Variants in OPCML observed in about 807,000 individuals in gnomAD.
The protein encoded by OPCML is opioid-binding protein/cell adhesion molecule.
OPCML carries 13 observed loss-of-function variants against 37.8 expected under a neutral mutation model. The observed-to-expected ratio is 0.34, with a 90% confidence interval of 0.22 to 0.55. The LOEUF (loss-of-function observed/expected upper bound fraction) is 0.55, where lower values mean the gene tolerates loss of function less well. Ranked by LOEUF, OPCML falls within the 20% of genes least tolerant of loss-of-function variation. The probability of loss-of-function intolerance (pLI) is 0.91; values close to 1 mark genes in which losing one functional copy is unlikely to be tolerated. For missense variants in OPCML, 341 were observed against 435.6 expected (o/e 0.78, Z 1.93); for synonymous variants, 176 against 168.8 (o/e 1.04, Z -0.33).
intron 4 of OPCML, among the ~76,000 whole-genome samples, chr11:132,447,022 G>A (rs552564715): frequency 2.0e-5 from 3 of 152,302 alleles, no homozygotes; most frequent in Non-Finnish European, 2.9e-5. Context: ...GGCTTCTTGA[G>A]CCCAAAGCAG....
chr11:133,376,820 C>T (rs1201076327), intron 1 of OPCML, among the ~76,000 whole-genome samples: 2 of 152,118 alleles, frequency 1.3e-5, no homozygotes, highest in Admixed American at 6.5e-5. Context: ...ATAATAATAA[C>T]AATCTGTTCA....
At chr11:132,716,876 GT>G (rs1449824575) in intron 2 of OPCML, among the ~76,000 whole-genome samples, 2 of 152,056 alleles carry the variant, frequency 1.3e-5, no homozygotes, top group East Asian at 3.9e-4. Context: ...GAGAAGAAGA[GT>G]TCTTTCTTAT....
intron 3 of OPCML, among the ~76,000 whole-genome samples, chr11:132,536,529 G>A (rs1457699436): frequency 6.6e-6 from 1 of 152,022 alleles, no homozygotes; most frequent in East Asian, 1.9e-4. Context: ...TTACTTTATT[G>A]TTGTTATTAT....
chr11:133,303,969 TA>T (rs1400011345), intron 1 of OPCML, among the ~76,000 whole-genome samples: 1 of 152,228 alleles, frequency 6.6e-6, no homozygotes, highest in African/African-American at 2.4e-5. Flanking sequence ...ATTTAAACTT[TA>T]ATAACTACTG....
At chr11:132,948,134 G>T (rs559610458) in intron 1 of OPCML, among the ~76,000 whole-genome samples, 1 of 152,154 alleles carries the variant, frequency 6.6e-6, no homozygotes, top group African/African-American at 2.4e-5. Context: ...GAAATGTACC[G>T]GGCATGTTTT....
chr11:132,758,375 A>G (rs2136089277), intron 2 of OPCML, among the ~76,000 whole-genome samples: 1 of 152,284 alleles, frequency 6.6e-6, no homozygotes, highest in Middle Eastern at 3.4e-3. Flanking sequence ...ATAGTATTGA[A>G]TCTATAAATT....
At chr11:132,886,909 A>G (rs1943444981) in intron 2 of OPCML, among the ~76,000 whole-genome samples, 1 of 152,192 alleles carries the variant, frequency 6.6e-6, no homozygotes, top group Non-Finnish European at 1.5e-5. Context: ...GCAGAATGCC[A>G]GTGGCTCACT....
At chr11:132,653,096 C>G (rs1941513607) in intron 3 of OPCML, among the ~76,000 whole-genome samples, 2 of 152,184 alleles carry the variant, frequency 1.3e-5, no homozygotes, top group South Asian at 4.1e-4. Flanking sequence ...TTCCCTAGTT[C>G]TGCAACATCT....
intron 1 of OPCML, among the ~76,000 whole-genome samples, chr11:133,526,679 A>G (rs2120739585): frequency 6.6e-6 from 1 of 152,328 alleles, no homozygotes; most frequent in African/African-American, 2.4e-5. Flanking sequence ...AACTACATCC[A>G]TGCCCTACTG....
chr11:133,010,156 C>T (rs1289300858), intron 1 of OPCML, among the ~76,000 whole-genome samples: 3 of 152,200 alleles, frequency 2.0e-5, no homozygotes, highest in Non-Finnish European at 2.9e-5. Flanking sequence ...GTGAGCCCAA[C>T]CCTCCACTTG....
At chr11:132,498,761 T>A (rs1193049609) in intron 4 of OPCML, among the ~76,000 whole-genome samples, 1 of 134,792 alleles carries the variant, frequency 7.4e-6, no homozygotes, top group African/African-American at 3.4e-5. Flanking sequence ...CTTAGGCATA[T>A]AGGACCCGAA....
intron 4 of OPCML, among the ~76,000 whole-genome samples, chr11:132,479,306 G>A (rs569901525): frequency 3.8e-4 from 57 of 151,926 alleles, no homozygotes; most frequent in African/African-American, 1.2e-3. Flanking sequence ...CAAATACTGC[G>A]CTTTTCCGAC....
intron 1 of OPCML, among the ~76,000 whole-genome samples, chr11:133,428,126 ATTTAG>A (rs1372653632): frequency 6.6e-6 from 1 of 152,234 alleles, no homozygotes; most frequent in East Asian, 1.9e-4. Context: ...GCAACCGTTT[ATTTAG>A]TTTAGTATTG....
At chr11:132,471,145 A>G (rs1341457294) in intron 4 of OPCML, among the ~76,000 whole-genome samples, 1 of 152,188 alleles carries the variant, frequency 6.6e-6, no homozygotes. Context: ...ACAGCCCTTG[A>G]TAAAGTTTCA....
intron 3 of OPCML, among the ~76,000 whole-genome samples, 153 bp downstream of exon 3, chr11:132,656,934 G>A (rs1473759199): frequency 1.3e-5 from 2 of 152,200 alleles, no homozygotes; most frequent in Non-Finnish European, 2.9e-5. Flanking sequence ...GTACCCATTC[G>A]ATGGGAAACA....
intron 1 of OPCML, among the ~76,000 whole-genome samples, chr11:132,963,989 T>A (rs1050149565): frequency 6.6e-6 from 1 of 152,098 alleles, no homozygotes; most frequent in African/African-American, 2.4e-5. Context: ...ATACGGCAGG[T>A]CAGGCTTGTG....
chr11:133,182,903 C>G (rs971382206), intron 1 of OPCML, among the ~76,000 whole-genome samples: 11 of 152,034 alleles, frequency 7.2e-5, no homozygotes, highest in Non-Finnish European at 1.5e-4. Context: ...ACCACGAAGG[C>G]GCCCAACCCC....
chr11:132,767,045 A>T (rs2136111891), intron 2 of OPCML, among the ~76,000 whole-genome samples: 1 of 152,250 alleles, frequency 6.6e-6, no homozygotes, highest in African/African-American at 2.4e-5. Flanking sequence ...CTATCTATCT[A>T]CCCATCTCTC....
intron 1 of OPCML, among the ~76,000 whole-genome samples, chr11:133,162,276 C>T (rs1001317294): frequency 3.3e-5 from 5 of 152,074 alleles, no homozygotes; most frequent in African/African-American, 9.7e-5. Context: ...TCCTTTGAGA[C>T]GTGCAGGACA....
Sources: allele counts gnomAD v4.1 joint callset (sites outside exome capture counted in the v4.1 genomes callset), GRCh38; gene constraint gnomAD v4.1.1; transcripts MANE v1.5; gene names NCBI Gene and HGNC (gene_info 2026-07-23, HGNC 2026-07-21).